SLC25A13: variants seen among roughly 807,000 people sequenced by gnomAD.
SLC25A13 encodes the protein electrogenic aspartate/glutamate antiporter SLC25A13, mitochondrial.
Under a neutral mutation model 85.5 loss-of-function variants are expected in SLC25A13, and 70 were observed. That is an observed-to-expected ratio of 0.82 (90% confidence interval 0.68 to 1.00). SLC25A13 has a LOEUF of 1.00. SLC25A13 is among the 50% of genes least tolerant of loss of function. The pLI is 0.00. For synonymous variants in SLC25A13, 259 were observed against 288.7 expected, an observed-to-expected ratio of 0.90 and a Z score of 1.04; for missense variants, 765 against 819.8, an observed-to-expected ratio of 0.93 and a Z score of 0.82.
intron 13 of SLC25A13, among the ~76,000 whole-genome samples, chr7:96,168,552 A>G (rs1292552685): frequency 1.3e-5 from 2 of 152,220 alleles, no homozygotes; most frequent in East Asian, 3.8e-4. Flanking sequence ...AATACGTGCC[A>G]CAACCAATCT....
intron 2 of SLC25A13, among the ~76,000 whole-genome samples, chr7:96,281,119 G>C (rs573480798): frequency 6.6e-6 from 1 of 151,986 alleles, no homozygotes; most frequent in South Asian, 2.1e-4. Context: ...AGCTGGGCAC[G>C]GCATCTCACA....
chr7:96,189,226 A>C (rs2116647874), intron 9 of SLC25A13, 68 bp downstream of exon 9: 1 of 1,383,188 alleles, frequency 7.2e-7, no homozygotes, highest in Middle Eastern at 1.8e-4. Context: ...AGGCAACTGC[A>C]AGTGGAACAG....
chr7:96,182,521 C>T (rs1373537144), intron 11 of SLC25A13, among the ~76,000 whole-genome samples: 3 of 152,166 alleles, frequency 2.0e-5, no homozygotes, highest in Admixed American at 2.0e-4. Context: ...CTGTCTGTAC[C>T]TAATATATTG....
chr7:96,259,357 T>G (rs2116889749), intron 3 of SLC25A13, among the ~76,000 whole-genome samples: 1 of 151,988 alleles, frequency 6.6e-6, no homozygotes, highest in East Asian at 1.9e-4. Context: ...AACTTAAATA[T>G]ATTTACAAGA....
intron 2 of SLC25A13, among the ~76,000 whole-genome samples, chr7:96,290,553 T>G (rs1047275239): frequency 7.1e-6 from 1 of 139,890 alleles, no homozygotes; most frequent in African/African-American, 2.7e-5. Context: ...GAGACACACA[T>G]AGGCTCAAAA....
intron 3 of SLC25A13, among the ~76,000 whole-genome samples, chr7:96,244,116 A>G (rs1797092734): frequency 6.6e-6 from 1 of 152,136 alleles, no homozygotes; most frequent in African/African-American, 2.4e-5. Context: ...ACAGCTGTTA[A>G]GGCTTAATTA....
chr7:96,312,779 G>A lies in SLC25A13; in HGVS notation c.15+9163C>T, dbSNP rs1378692223. Among the ~76,000 whole-genome samples the A allele has an allele frequency of 2.6e-5, 4 of 152,320 alleles. No homozygotes were observed. In the East Asian group the frequency reaches 5.8e-4, roughly 22 times the overall value. On this transcript the variant is annotated intron_variant, in intron 1 of 17. Coordinates refer to ENST00000265631, the MANE Select transcript of SLC25A13 (RefSeq NM_014251.3). Reference sequence around the variant, plus strand: ...GTCTGGACAGAATGGAGAGGAAGGTGTAGGGATGAGATCAAAAGCAAGGGG... The same window carrying A: ...GTCTGGACAGAATGGAGAGGAAGGTATAGGGATGAGATCAAAAGCAAGGGG...
In SLC25A13 at chr7:96,217,766, C is replaced by T. The variant is rs917329376; in HGVS notation, c.329-8789G>A. The stretch of plus-strand genomic sequence containing the variant: ...GAGTGGTGATTGCTAAGGTGTGGTA[C>T]GAGGTTTCTTGTTGGGGTGATGAAA... On this transcript the variant is annotated intron_variant, in intron 4 of 17. Transcript: ENST00000265631. Among the ~76,000 whole-genome samples, 12 of 152,032 alleles carry T rather than the reference C, an allele frequency of 7.9e-5. No homozygotes were observed. The South Asian group carries it at 1.0e-3, about 13-fold the overall frequency.
At chr7:96,309,341 G>T (rs1799871252) in intron 1 of SLC25A13, among the ~76,000 whole-genome samples, 1 of 152,136 alleles carries the variant, frequency 6.6e-6, no homozygotes, top group Non-Finnish European at 1.5e-5. Context: ...TAGTCATAGA[G>T]ATTCATCTAC....
At chr7:96,170,198 T>C in intron 12 of SLC25A13, 73 bp from the exon 13 acceptor site, 3 of 1,257,866 alleles carry the variant, frequency 2.4e-6, no homozygotes, top group Non-Finnish European at 2.3e-6. Flanking sequence ...AATATGCATC[T>C]GTCAATATAT....
At chr7:96,209,149 A>C (rs1212062420) in intron 4 of SLC25A13, among the ~76,000 whole-genome samples, 172 bp from the exon 5 acceptor site, 1 of 152,180 alleles carries the variant, frequency 6.6e-6, no homozygotes, top group Non-Finnish European at 1.5e-5. Flanking sequence ...GGAATCAGTT[A>C]AGAAATCAAG....
At chr7:96,236,064 T>A (rs1796730219) in intron 3 of SLC25A13, among the ~76,000 whole-genome samples, 1 of 152,146 alleles carries the variant, frequency 6.6e-6, no homozygotes, top group African/African-American at 2.4e-5. Context: ...CTTCTAAACA[T>A]CCTATAGAGA....
At chr7:96,235,390 C>G (rs567757415) in intron 3 of SLC25A13, among the ~76,000 whole-genome samples, 106 of 152,222 alleles carry the variant, frequency 7.0e-4, no homozygotes, top group African/African-American at 2.4e-3. Context: ...AGGGCTAGTA[C>G]AAGGGGAATA....
intron 2 of SLC25A13, among the ~76,000 whole-genome samples, chr7:96,291,246 A>G (rs1310747924): frequency 6.6e-6 from 1 of 152,226 alleles, no homozygotes. Context: ...ACAAAGACAC[A>G]ACATACCAGA....
chr7:96,224,868 A>G (rs149917637), intron 4 of SLC25A13, among the ~76,000 whole-genome samples: 1 of 152,296 alleles, frequency 6.6e-6, no homozygotes, highest in African/African-American at 2.4e-5. Flanking sequence ...TCAACACCAG[A>G]GGGAGGCAGT....
At chr7:96,225,572 A>AT (rs1796301660) in intron 4 of SLC25A13, among the ~76,000 whole-genome samples, 1 of 151,624 alleles carries the variant, frequency 6.6e-6, no homozygotes, top group Non-Finnish European at 1.5e-5. Context: ...GAAAAAAAAA[A>AT]GGAATGGCCC....
intron 3 of SLC25A13, among the ~76,000 whole-genome samples, chr7:96,257,402 A>G (rs1251234695): frequency 1.3e-5 from 2 of 152,230 alleles, no homozygotes; most frequent in East Asian, 3.8e-4. Context: ...GATCCCACAG[A>G]AATACAAACT....
intron 9 of SLC25A13, among the ~76,000 whole-genome samples, chr7:96,185,266 CT>C (rs1794587587): frequency 6.6e-6 from 1 of 152,178 alleles, no homozygotes; most frequent in African/African-American, 2.4e-5. Flanking sequence ...TGTTATAAGC[CT>C]ATTTTCAAAT....
intron 3 of SLC25A13, among the ~76,000 whole-genome samples, chr7:96,241,075 AAAGAAAGAAAG>A (rs1466409739): frequency 1.3e-5 from 2 of 150,118 alleles, no homozygotes; most frequent in East Asian, 3.9e-4. Flanking sequence ...AGAAAGAAAG[AAAGAAAGAAAG>A]AAAGAAAGAA....
Sources: gnomAD v4.1 joint callset for allele counts (sites outside exome capture counted in the v4.1 genomes callset) on GRCh38, gnomAD v4.1.1 for gene constraint, MANE v1.5 for transcripts, NCBI Gene and HGNC (gene_info 2026-07-23, HGNC 2026-07-21) for gene names.